The following HS3ST3A1 variants were observed in gnomAD, a reference collection of about 807,000 sequenced individuals.
HS3ST3A1 encodes heparan sulfate glucosamine 3-O-sulfotransferase 3A1.
In HS3ST3A1, 19 loss-of-function variants were observed where a neutral mutation model predicts 25.7. The ratio of observed to expected loss-of-function variants is 0.74; its 90% CI spans 0.52 to 1.08. The LOEUF (loss-of-function observed/expected upper bound fraction) is 1.08, where lower values mean the gene tolerates loss of function less well. HS3ST3A1 is among the 50% of genes least tolerant of loss of function. The pLI is 0.00. For missense variants in HS3ST3A1, 459 were observed against 594.3 expected, an observed-to-expected ratio of 0.77 and a Z score of 2.37; for synonymous variants, 226 against 278.6, an observed-to-expected ratio of 0.81 and a Z score of 1.88.
chr17:13,554,867 T>C (rs1332884301), intron 1 of HS3ST3A1, among the ~76,000 whole-genome samples: 1 of 152,118 alleles, frequency 6.6e-6, no homozygotes, highest in Non-Finnish European at 1.5e-5. Context: ...AACTAAACGA[T>C]GGTAATATCC....
chr17:13,521,317 T>TGTAG (rs1906230642), intron 1 of HS3ST3A1, among the ~76,000 whole-genome samples: 1 of 152,222 alleles, frequency 6.6e-6, no homozygotes, highest in African/African-American at 2.4e-5. Context: ...CCTTCCAAAA[T>TGTAG]GTAGTCTTGA....
Position 13,574,761 on chromosome 17 carries a change from A to AG in HS3ST3A1, c.599+25769_599+25770insC, listed in dbSNP as rs759280619. On this transcript the variant is annotated intron_variant, in intron 1 of 1. Transcript: ENST00000284110. Reference sequence around the variant, plus strand: ...ACAAATACACACACACACACACACAAAAAACACACAAAAAAAATGAAGGGC... The same window carrying AG: ...ACAAATACACACACACACACACACAAGAAAACACACAAAAAAAATGAAGGGC... Among the ~76,000 whole-genome samples, 159 of 103,836 alleles carry AG rather than the reference A, an allele frequency of 1.5e-3. 1 individual carries two copies. Among genetic ancestry groups the AG allele is most frequent in the African/African-American group, 4.5e-3 (152 of 33,500 alleles). The allele number at this position is 103,836 out of a possible 152,430, so 68.1% of individuals were successfully genotyped here.
chr17:13,557,410 G>C, intron 1 of HS3ST3A1, among the ~76,000 whole-genome samples: 1 of 151,880 alleles, frequency 6.6e-6, no homozygotes, highest in East Asian at 1.9e-4. Flanking sequence ...TAAAGAGAAA[G>C]AGACAACAAA....
intron 1 of HS3ST3A1, among the ~76,000 whole-genome samples, chr17:13,599,927 T>C (rs1908674284): frequency 6.6e-6 from 1 of 152,238 alleles, no homozygotes; most frequent in South Asian, 2.1e-4. Flanking sequence ...ACAAAAGTTA[T>C]TGCCAAGCGT....
intron 1 of HS3ST3A1, among the ~76,000 whole-genome samples, chr17:13,530,701 C>G (rs1387652157): frequency 6.6e-6 from 1 of 152,178 alleles, no homozygotes; most frequent in East Asian, 1.9e-4. Flanking sequence ...GAATCATGGC[C>G]TTTCTCTGCT....
Position 13,585,186 on chromosome 17 carries a change from C to CTTT in HS3ST3A1, c.599+15342_599+15344dup, listed in dbSNP as rs71144977. The stretch of plus-strand genomic sequence containing the variant: ...CAATCTAAATACTCATTTTTCTGTG[C>CTTT]TTTTTTTTTTTTTTTTTTTTTTTTT... On this transcript the variant is annotated intron_variant, in intron 1 of 1. Coordinates refer to ENST00000284110, the MANE Select transcript of HS3ST3A1 (RefSeq NM_006042.3). Among the ~76,000 whole-genome samples, 328 of 33,252 alleles carry CTTT rather than the reference C, an allele frequency of 9.9e-3. 66 individuals carry two copies. Among genetic ancestry groups the CTTT allele is most frequent in the East Asian group, 0.024 (17 of 716 alleles). 21.8% of individuals were successfully genotyped at this position (33,252 alleles called of 152,430 possible). A position where few individuals can be genotyped will look rare whatever the true frequency, so the allele number is the denominator to read the frequency against.
intron 1 of HS3ST3A1, among the ~76,000 whole-genome samples, chr17:13,598,392 ATTTTTTTAAAATAAG>A (rs1908637462): frequency 1.3e-5 from 2 of 152,246 alleles, no homozygotes; most frequent in South Asian, 4.1e-4. Context: ...CATAGGTTGG[ATTTTTTTAAAATAAG>A]TTTCCTATGT....
rs1907253737 is a variant in HS3ST3A1, at chr17:13,551,757, G to A, written c.599+48774C>T. 2.0e-5 allele frequency among the ~76,000 whole-genome samples: 3 copies of A among 151,982 alleles called. No homozygotes were observed. In the South Asian group the frequency reaches 6.2e-4, roughly 32 times the overall value. The stretch of plus-strand genomic sequence containing the variant: ...TCCTGATCATATCAAATCCTTATTA[G>A]TTAAGGTCCAATGACCTCCTGTGTG... On this transcript the variant is annotated intron_variant, in intron 1 of 1. Transcript: ENST00000284110.
intron 1 of HS3ST3A1, among the ~76,000 whole-genome samples, chr17:13,552,449 G>A (rs1907270788): frequency 6.6e-6 from 1 of 152,166 alleles, no homozygotes; most frequent in Non-Finnish European, 1.5e-5. Context: ...AGGCATGGCA[G>A]GGCAAAATAC....
rs138647545 is a variant in HS3ST3A1, at chr17:13,509,650, GA to G, written c.600-12833del. ...CAGAGAAGAGAGCAAGAAGATAGAA[GA>G]AAAAAAGAGAAGAATCTAGAATCTA... On this transcript the variant is annotated intron_variant, in intron 1 of 1. Coordinates refer to ENST00000284110, the MANE Select transcript of HS3ST3A1 (RefSeq NM_006042.3). 5.6e-3 allele frequency among the ~76,000 whole-genome samples: 844 copies of G among 151,906 alleles called. 8 individuals carry two copies. The highest frequency in any genetic ancestry group is 0.019 in the African/African-American group (801 of 41,440).
intron 1 of HS3ST3A1, among the ~76,000 whole-genome samples, chr17:13,512,238 G>C (rs942141131): frequency 4.1e-5 from 6 of 146,506 alleles, no homozygotes; most frequent in African/African-American, 1.5e-4. Flanking sequence ...AGCGGAGCTT[G>C]CAGTGAGCCG....
chr17:13,591,427 A>C (rs1235100053), intron 1 of HS3ST3A1, among the ~76,000 whole-genome samples: 1 of 152,096 alleles, frequency 6.6e-6, no homozygotes, highest in East Asian at 1.9e-4. Flanking sequence ...TTATTTTGTA[A>C]TAAATGGGGG....
chr17:13,556,973 C>G lies in HS3ST3A1; in HGVS notation c.599+43558G>C, dbSNP rs138271669. Among the ~76,000 whole-genome samples the G allele has an allele frequency of 2.0e-5, 3 of 152,218 alleles. No individual in the cohort carries two copies. In the East Asian group the frequency reaches 5.8e-4, roughly 29 times the overall value. On this transcript the variant is annotated intron_variant, in intron 1 of 1. Transcript: ENST00000284110. ...TATCCTCAGGACAGCGAACAGATTC[C>G]CTGAAAGAGCAGGTACCAGAATAGG...
At chr17:13,500,172 C>A (rs371535789) in intron 1 of HS3ST3A1, among the ~76,000 whole-genome samples, 127 of 152,042 alleles carry the variant, frequency 8.4e-4, no homozygotes, top group African/African-American at 2.9e-3. Flanking sequence ...TCATATAAAA[C>A]AAAAGGCAGG....
chr17:13,549,921 C>T lies in HS3ST3A1; in HGVS notation c.599+50610G>A, dbSNP rs74563917. Among the ~76,000 whole-genome samples the T allele has an allele frequency of 5.9e-3, 895 of 152,284 alleles. 9 individuals carry two copies. The highest frequency in any genetic ancestry group is 0.021 in the African/African-American group (859 of 41,552). On this transcript the variant is annotated intron_variant, in intron 1 of 1. Transcript: ENST00000284110. ...TTGATAAACTTTCCTTTCCTGTAGA[C>T]CCACTATCTCCAAAGTGCTGACAGG...
At chr17:13,583,570 A>G (rs1256323425) in intron 1 of HS3ST3A1, among the ~76,000 whole-genome samples, 1 of 152,120 alleles carries the variant, frequency 6.6e-6, no homozygotes, top group Non-Finnish European at 1.5e-5. Flanking sequence ...AATGCCCCTT[A>G]ACACGTCACC....
intron 1 of HS3ST3A1, among the ~76,000 whole-genome samples, chr17:13,525,592 A>G (rs1434423557): frequency 6.6e-6 from 1 of 152,184 alleles, no homozygotes; most frequent in Non-Finnish European, 1.5e-5. Flanking sequence ...GAGAAAACAA[A>G]TTAGAGATTT....
intron 1 of HS3ST3A1, among the ~76,000 whole-genome samples, chr17:13,512,668 C>A (rs942706396): frequency 6.6e-6 from 1 of 152,182 alleles, no homozygotes; most frequent in Non-Finnish European, 1.5e-5. Flanking sequence ...ACATTTTTCA[C>A]CTCCTGCTTT....
chr17:13,542,974 A>G (rs1906978007), intron 1 of HS3ST3A1, among the ~76,000 whole-genome samples: 1 of 152,144 alleles, frequency 6.6e-6, no homozygotes, highest in Admixed American at 6.5e-5. Flanking sequence ...GCTTCCAGAG[A>G]GCTGCACACA....
Sources: allele counts gnomAD v4.1 joint callset (sites outside exome capture counted in the v4.1 genomes callset), GRCh38; gene constraint gnomAD v4.1.1; transcripts MANE v1.5; gene names NCBI Gene and HGNC (gene_info 2026-07-23, HGNC 2026-07-21).